Variants in PLOD3 observed in about 807,000 individuals in gnomAD.
The protein encoded by PLOD3 is multifunctional procollagen lysine hydroxylase and glycosyltransferase LH3.
A neutral mutation model predicts 96.9 loss-of-function variants in PLOD3; 73 were observed. The observed-to-expected ratio is 0.75, with a 90% CI of 0.62 to 0.92. PLOD3 has a LOEUF of 0.92. Among genes scored for constraint, PLOD3 ranks in the 40% least tolerant of loss-of-function variants. The pLI is 0.00. For synonymous variants in PLOD3, 454 were observed against 413.7 expected (o/e 1.10, Z -1.18); for missense variants, 1,004 against 1,004.3 (o/e 1.00, Z 0.00).
In PLOD3 at chr7:101,206,825, G is replaced by T; in HGVS notation, c.2015C>A (p.Thr672Asn). ...PSLRPHHDSS[T>N]FTLNVALNHK... ...GTTGAGGGCAACGTTGAGGGTGAAG[G>T]TGGATGAGTCGTGGTGTGGCCGCAG... Residue 672 changes from threonine to asparagine, a missense_variant, in exon 18 of 19, where the codon ACC becomes AAC. Transcript: ENST00000223127. The T allele has an allele frequency of 6.3e-7, 1 of 1,579,108 alleles. No homozygotes were observed. The highest frequency in any genetic ancestry group is 1.2e-5 in the South Asian group (1 of 86,188).
intron 6 of PLOD3, chr7:101,213,417 C>T: frequency 1.6e-6 from 1 of 607,252 alleles, no homozygotes; most frequent in East Asian, 2.8e-5. Flanking sequence ...GATCACACCG[C>T]AGCTGGGCGA....
At position 101,206,801 on chromosome 7, in the gene PLOD3, T is replaced by C. The variant is rs773286578; in HGVS notation, c.2039A>G (p.Asn680Ser). 7 of 1,583,368 alleles carry C rather than the reference T, an allele frequency of 4.4e-6. No homozygotes were observed. The highest frequency in any genetic ancestry group is 1.8e-5 in the Admixed American group (1 of 55,186). The change falls in exon 18 of 19, where the codon AAC becomes AGC. Residue 680 changes from asparagine (N) to serine (S), a missense_variant. This residue lies in a region of PLOD3 where 222 missense variants were observed against 220.4 expected (regional missense o/e 1.01). Coordinates refer to ENST00000223127, the MANE Select transcript of PLOD3 (RefSeq NM_001084.5). Reference sequence around the variant, plus strand: ...CACCTCATAGTCCAGGCCCTTGTGGTTGAGGGCAACGTTGAGGGTGAAGGT... The same window carrying C: ...CACCTCATAGTCCAGGCCCTTGTGGCTGAGGGCAACGTTGAGGGTGAAGGT... ...SSTFTLNVAL[N>S]HKGLDYEGGG... is the part of the protein sequence containing the mutation.
intron 12 of PLOD3, chr7:101,211,002 T>A (rs1306602845): frequency 6.1e-6 from 2 of 329,216 alleles, no homozygotes; most frequent in Non-Finnish European, 1.2e-5. Context: ...CACCTTAGCC[T>A]CCCAAATAGC....
At position 101,215,909 on chromosome 7, in the gene PLOD3, C is replaced by T; in HGVS notation, c.614G>A (p.Arg205Lys). 1 of 1,604,016 alleles carries T rather than the reference C, an allele frequency of 6.2e-7. No homozygotes were observed. Among genetic ancestry groups the T allele is most frequent in the African/African-American group, 1.3e-5 (1 of 74,826 alleles). The change falls in exon 5 of 19, where the codon AGG becomes AAG. Residue 205 changes from arginine to lysine, a missense_variant and splice_region_variant. By Grantham distance (26) the Arg-to-Lys change is conservative. This residue lies in a region of PLOD3 where 690 missense variants were observed against 650.2 expected (regional missense o/e 1.06). Transcript: ENST00000223127. ...CGCCCACTCCTCTGCCTTCCCTACC[C>T]TCAGTCCTGGGTCCAGGTAGAGCCG... ...YTRLYLDPGL[R>K]EKLSLNLDHK... is the part of the protein sequence containing the mutation.
chr7:101,217,128 T>C, intron 1 of PLOD3, 38 bp downstream of exon 1: 1 of 1,441,710 alleles, frequency 6.9e-7, no homozygotes, highest in South Asian at 1.5e-5. Context: ...CGCCAGCCTC[T>C]GCCCCCTCGG....
intron 8 of PLOD3, 37 bp from the exon 9 acceptor site, chr7:101,212,692 C>CCGGA (rs1213580801): frequency 3.7e-6 from 6 of 1,611,958 alleles, no homozygotes; most frequent in Non-Finnish European, 5.1e-6. Context: ...AGAGAGAAGC[C>CCGGA]CGGACTTCCC....
At position 101,207,617 on chromosome 7, in the gene PLOD3, G is replaced by T; in HGVS notation, c.1896C>A (p.Gly632=). 1.9e-6 allele frequency: 3 copies of T among 1,614,052 alleles called. No homozygotes were observed. The highest frequency in any genetic ancestry group is 2.5e-6 in the Non-Finnish European group (3 of 1,179,974). The change falls in exon 17 of 19, where the codon GGC becomes GGA. Residue 632 remains glycine, a synonymous_variant. Coordinates refer to ENST00000223127, the MANE Select transcript of PLOD3 (RefSeq NM_001084.5). Reference sequence around the variant, plus strand: ...CGGGAAACAGGCTCTCGGTCATGGGGCCCACATACGTCCGCAGCAGCTGCA... The same window carrying T: ...CGGGAAACAGGCTCTCGGTCATGGGTCCCACATACGTCCGCAGCAGCTGCA... ...QWLQLLRTYV[G]PMTESLFPGY...
intron 1 of PLOD3, 146 bp from the exon 2 acceptor site, chr7:101,216,932 G>A: frequency 2.6e-6 from 2 of 766,602 alleles, no homozygotes; most frequent in East Asian, 5.3e-5. Context: ...CTGACCCCAA[G>A]GAGGGCAGGG....
chr7:101,210,550 A>C lies in PLOD3; in HGVS notation c.1482T>G (p.Cys494Trp). 1 of 1,614,180 alleles carries C rather than the reference A, an allele frequency of 6.2e-7. No individual in the cohort carries two copies. The highest frequency in any genetic ancestry group is 1.3e-5 in the African/African-American group (1 of 75,058). Residue 494 changes from cysteine (C) to tryptophan (W), a missense_variant, in exon 13 of 19, where the codon TGT becomes TGG. By Grantham distance (215) the Cys-to-Trp change is radical (BLOSUM62 -2). Transcript: ENST00000223127. ...CGCTCACCTTGTCTCGAAAGCTCTT[A>C]CAGAAGGCCATGTCCGGGTCTGTGT... The part of the protein sequence containing the change: ...GSDTDPDMAF[C>W]KSFRDKGIFL...
chr7:101,216,954 C>A, intron 1 of PLOD3, 168 bp from the exon 2 acceptor site: 1 of 741,110 alleles, frequency 1.3e-6, no homozygotes. Context: ...GGGAGTGGTG[C>A]CCAGGAATTC....
chr7:101,206,633 T>G (rs1251186969), intron 18 of PLOD3, 146 bp downstream of exon 18: 2 of 1,078,530 alleles, frequency 1.9e-6, no homozygotes, highest in Non-Finnish European at 2.7e-6. Context: ...AGAGGCCGCC[T>G]GCCCAGAAGC....
chr7:101,210,990 C>A (rs1039889085), intron 12 of PLOD3: 2 of 345,866 alleles, frequency 5.8e-6, no homozygotes, highest in Non-Finnish European at 1.1e-5. Context: ...AAGCAATTCT[C>A]CCACCTTAGC....
chr7:101,211,342 G>A, intron 12 of PLOD3: 1 of 487,872 alleles, frequency 2.0e-6, no homozygotes, highest in Non-Finnish European at 3.7e-6. Context: ...ACCGTGCCCA[G>A]CTAATATTTT....
Position 101,208,390 on chromosome 7 carries a change from C to T in PLOD3, c.1788+463G>A, listed in dbSNP as rs560320839. Among the ~76,000 whole-genome samples, 84 of 151,804 alleles carry T rather than the reference C, an allele frequency of 5.5e-4. 1 individual carries two copies. Among genetic ancestry groups the T allele is most frequent in the African/African-American group, 2.0e-3 (83 of 41,344 alleles). On this transcript the variant is annotated intron_variant, in intron 16 of 18. Transcript: ENST00000223127. The stretch of plus-strand genomic sequence containing the variant: ...CCGAGTAGCTGGGACTACAGGCGCC[C>T]GCCACCATGCCCGGCTAATTTTGTG...
Position 101,210,545 on chromosome 7 carries a change from C to G in PLOD3, c.1487G>C (p.Ser496Thr), listed in dbSNP as rs1798165406. 6.2e-7 allele frequency: 1 copy of G among 1,614,116 alleles called. No homozygotes were observed. Among genetic ancestry groups the G allele is most frequent in the South Asian group, 1.1e-5 (1 of 91,086 alleles). Residue 496 changes from serine to threonine, a missense_variant, in exon 13 of 19, where the codon AGC (serine) becomes ACC (threonine). Ser to Thr is a moderately conservative substitution (Grantham distance 58, BLOSUM62 1). Transcript: ENST00000223127. ...DTDPDMAFCK[S>T]FRDKGIFLHL... ...ACCCGCGCTCACCTTGTCTCGAAAG[C>G]TCTTACAGAAGGCCATGTCCGGGTC...
Position 101,207,700 on chromosome 7 carries a change from C to T in PLOD3, c.1813G>A (p.Glu605Lys), listed in dbSNP as rs1241357246. The T allele has an allele frequency of 6.2e-6, 10 of 1,613,994 alleles. No individual in the cohort carries two copies. The highest frequency in any genetic ancestry group is 8.5e-6 in the Non-Finnish European group (10 of 1,179,950). ...HEDSRLAGGY[E>K]NVPTVDIHMK... Reference sequence around the variant, plus strand: ...TGGATGTCCACGGTGGGCACATTCTCGTAGCCTCCAGCCAGCCTTGAATCC... The same window carrying T: ...TGGATGTCCACGGTGGGCACATTCTTGTAGCCTCCAGCCAGCCTTGAATCC... Residue 605 changes from glutamate to lysine, a missense_variant, in exon 17 of 19, where the codon GAG becomes AAG. Coordinates refer to ENST00000223127, the MANE Select transcript of PLOD3 (RefSeq NM_001084.5).
rs756081191 is a variant in PLOD3, at chr7:101,207,695, A to G, written c.1818T>C (p.Asn606=). ...TCATGTGGATGTCCACGGTGGGCACATTCTCGTAGCCTCCAGCCAGCCTTG... is the reference window on the plus strand; with the variant it reads ...TCATGTGGATGTCCACGGTGGGCACGTTCTCGTAGCCTCCAGCCAGCCTTG... ...EDSRLAGGYE[N]VPTVDIHMKQ... The change falls in exon 17 of 19, where the codon AAT becomes AAC. Residue 606 remains asparagine, a synonymous_variant. Transcript: ENST00000223127. 1.9e-6 allele frequency: 3 copies of G among 1,613,978 alleles called. No individual in the cohort carries two copies. The highest frequency in any genetic ancestry group is 1.7e-5 in the Admixed American group (1 of 60,008).
chr7:101,208,477 G>T, intron 16 of PLOD3: 1 of 345,406 alleles, frequency 2.9e-6, no homozygotes, highest in Non-Finnish European at 5.7e-6. Context: ...CTGACCCCAG[G>T]TGATCCACCT....
chr7:101,212,099 A>C (rs1271801738), intron 10 of PLOD3, 149 bp from the exon 11 acceptor site: 2 of 1,104,400 alleles, frequency 1.8e-6, no homozygotes, highest in African/African-American at 3.1e-5. Flanking sequence ...TGGCAAGGGC[A>C]GGAGTGACAG....
Sources: allele counts gnomAD v4.1 joint callset (sites outside exome capture counted in the v4.1 genomes callset), GRCh38; gene constraint gnomAD v4.1.1; regional missense constraint gnomAD v4.1.1; transcripts MANE v1.5; gene names NCBI Gene and HGNC (gene_info 2026-07-23, HGNC 2026-07-21).